The following KSR2 variants were observed in gnomAD, a reference collection of about 807,000 sequenced individuals.
The protein encoded by KSR2 is kinase suppressor of ras 2.
A neutral mutation model predicts 107.8 loss-of-function variants in KSR2; 25 were observed. That is an observed-to-expected ratio of 0.23 (90% CI 0.17 to 0.32). KSR2 has a LOEUF of 0.32. Among genes scored for constraint, KSR2 ranks in the 10% least tolerant of loss-of-function variants. The pLI is 1.00. For missense variants in KSR2, 887 were observed against 1,268.9 expected, an observed-to-expected ratio of 0.70 and a Z score of 4.57; for synonymous variants, 480 against 507.0, an observed-to-expected ratio of 0.95 and a Z score of 0.71.
At chr12:117,493,343 ACT>A (rs1872846537) in intron 14 of KSR2, among the ~76,000 whole-genome samples, 1 of 151,810 alleles carries the variant, frequency 6.6e-6, no homozygotes, top group Non-Finnish European at 1.5e-5. Context: ...ACTCCCCAGC[ACT>A]CTCTGGATAG....
intron 14 of KSR2, among the ~76,000 whole-genome samples, chr12:117,488,284 A>G (rs998198877): frequency 6.6e-6 from 1 of 152,216 alleles, no homozygotes; most frequent in Non-Finnish European, 1.5e-5. Flanking sequence ...CAAATCCACA[A>G]CCAGCGATTC....
chr12:117,920,159 C>T (rs143970255), intron 1 of KSR2, among the ~76,000 whole-genome samples: 1 of 152,156 alleles, frequency 6.6e-6, no homozygotes, highest in Non-Finnish European at 1.5e-5. Context: ...AGGAGAGTGG[C>T]ACAATCATGG....
chr12:117,471,049 C>A, intron 18 of KSR2, 142 bp downstream of exon 18: 1 of 972,022 alleles, frequency 1.0e-6, no homozygotes, highest in Non-Finnish European at 1.4e-6. Flanking sequence ...TTCAAACTGC[C>A]ATCTGACAAG....
At chr12:117,588,341 A>T (rs1880128812) in intron 5 of KSR2, among the ~76,000 whole-genome samples, 1 of 152,266 alleles carries the variant, frequency 6.6e-6, no homozygotes, top group Middle Eastern at 3.4e-3. Context: ...GCAGGGGAGG[A>T]TAAAAAGGTA....
intron 5 of KSR2, among the ~76,000 whole-genome samples, chr12:117,623,299 G>C (rs923471148): frequency 6.6e-6 from 1 of 152,062 alleles, no homozygotes. Flanking sequence ...TGATACATAG[G>C]TATACATGTG....
At chr12:117,773,195 G>A (rs1383238325) in intron 3 of KSR2, among the ~76,000 whole-genome samples, 1 of 152,176 alleles carries the variant, frequency 6.6e-6, no homozygotes, top group Non-Finnish European at 1.5e-5. Flanking sequence ...TGTGGTAGCA[G>A]GGGGCTCTGG....
At chr12:117,479,655 C>T (rs536692669) in intron 16 of KSR2, among the ~76,000 whole-genome samples, 15 of 152,284 alleles carry the variant, frequency 9.9e-5, no homozygotes, top group African/African-American at 2.2e-4. Flanking sequence ...ATACAAAATA[C>T]GGAAATGGTC....
intron 1 of KSR2, among the ~76,000 whole-genome samples, chr12:117,949,777 G>T (rs1263906636): frequency 6.6e-6 from 1 of 152,194 alleles, no homozygotes; most frequent in Non-Finnish European, 1.5e-5. Context: ...TTAGCTACAT[G>T]ATGGTAAATG....
intron 14 of KSR2, among the ~76,000 whole-genome samples, chr12:117,506,210 G>C (rs2137186881): frequency 6.6e-6 from 1 of 152,198 alleles, no homozygotes; most frequent in Non-Finnish European, 1.5e-5. Context: ...ACCAGTATTG[G>C]GCCCAACGAA....
intron 3 of KSR2, among the ~76,000 whole-genome samples, chr12:117,766,688 G>T (rs1453597120): frequency 6.6e-6 from 1 of 152,098 alleles, no homozygotes; most frequent in African/African-American, 2.4e-5. Flanking sequence ...GTAGGAGAAG[G>T]CAGCCTGGAG....
At chr12:117,761,654 T>C (rs1359834153) in intron 3 of KSR2, 130 bp from the exon 4 acceptor site, 2 of 837,298 alleles carry the variant, frequency 2.4e-6, no homozygotes, top group Non-Finnish European at 3.9e-6. Flanking sequence ...TGTTACACTA[T>C]ATACCTGTTA....
intron 1 of KSR2, among the ~76,000 whole-genome samples, chr12:117,955,003 C>T (rs1412642733): frequency 2.8e-5 from 4 of 143,458 alleles, no homozygotes; most frequent in African/African-American, 5.3e-5. Flanking sequence ...GGCAAGAGAG[C>T]GAGACCCTGT....
chr12:117,820,188 T>C (rs563889920), intron 3 of KSR2, among the ~76,000 whole-genome samples: 175 of 152,286 alleles, frequency 1.1e-3, no homozygotes, highest in African/African-American at 3.7e-3. Flanking sequence ...CCCAGCTCTA[T>C]GAGAGGGAGA....
intron 3 of KSR2, among the ~76,000 whole-genome samples, chr12:117,840,100 A>ATTTT (rs60718801): frequency 3.0e-5 from 4 of 133,052 alleles, no homozygotes; most frequent in African/African-American, 8.6e-5. Context: ...ACTTTATTTT[A>ATTTT]TTTTATTTTT....
intron 14 of KSR2, among the ~76,000 whole-genome samples, chr12:117,489,590 A>G (rs1218513009): frequency 1.3e-5 from 2 of 152,034 alleles, no homozygotes; most frequent in Non-Finnish European, 2.9e-5. Context: ...AGAATTAACA[A>G]TTAATATAAT....
intron 1 of KSR2, among the ~76,000 whole-genome samples, chr12:117,956,249 CAAAAAAAAAAAAAAAAAAA>C (rs59662300): frequency 2.1e-5 from 1 of 47,478 alleles, no homozygotes; most frequent in Non-Finnish European, 3.9e-5. Context: ...GACTCTGTCT[CAAAAAAAAAAAAAAAAAAA>C]AAAAAAAAAA....
At chr12:117,681,338 G>GT (rs1885356219) in intron 4 of KSR2, among the ~76,000 whole-genome samples, 1 of 152,014 alleles carries the variant, frequency 6.6e-6, no homozygotes, top group Non-Finnish European at 1.5e-5. Context: ...CCAGTGATAT[G>GT]GTAGTGAGTA....
chr12:117,530,361 A>T (rs1462506809), intron 12 of KSR2, among the ~76,000 whole-genome samples: 1 of 152,234 alleles, frequency 6.6e-6, no homozygotes, highest in African/African-American at 2.4e-5. Context: ...CAAGCCATAC[A>T]GATTATGTTA....
At chr12:117,559,649 T>A (rs1271052559) in intron 7 of KSR2, among the ~76,000 whole-genome samples, 1 of 152,218 alleles carries the variant, frequency 6.6e-6, no homozygotes, top group Non-Finnish European at 1.5e-5. Flanking sequence ...TATTAAGTTT[T>A]AGAGGCATAC....
Sources: allele counts gnomAD v4.1 joint callset (sites outside exome capture counted in the v4.1 genomes callset), GRCh38; gene constraint gnomAD v4.1.1; transcripts MANE v1.5; gene names NCBI Gene and HGNC (gene_info 2026-07-23, HGNC 2026-07-21).